The following FAM171A1 variants were observed in gnomAD, a reference collection of about 807,000 sequenced individuals.
The protein encoded by FAM171A1 is family with sequence similarity 171 member A1.
In FAM171A1, 23 loss-of-function variants were observed where a neutral mutation model predicts 74.9. The ratio of observed to expected loss-of-function variants is 0.31; its 90% CI spans 0.22 to 0.44. The LOEUF (loss-of-function observed/expected upper bound fraction) is 0.44, where lower values mean the gene tolerates loss of function less well. Among genes scored for constraint, FAM171A1 ranks in the 20% least tolerant of loss-of-function variants. The pLI, the probability that FAM171A1 is intolerant of heterozygous loss-of-function variation, is 1.00. For synonymous variants in FAM171A1, 527 were observed against 505.7 expected (o/e 1.04, Z -0.57); for missense variants, 1,162 against 1,159.2 (o/e 1.00, Z -0.03).
intron 1 of FAM171A1, among the ~76,000 whole-genome samples, chr10:15,366,959 G>A (rs1836070364): frequency 6.6e-6 from 1 of 152,182 alleles, no homozygotes; most frequent in African/African-American, 2.4e-5. Flanking sequence ...AGCACTTTGG[G>A]AGGCTGAGGC....
rs571615142 is a variant in FAM171A1 at position 15,235,257 on chromosome 10, G to A, written c.754+13382C>T. ...GCAGAGGTTGCAGTGGGCCGAGATT[G>A]CGCCACTGCACTCCAGCCTGGGAGA... On this transcript the variant is annotated intron_variant, in intron 5 of 7. Transcript: ENST00000378116. 3.8e-5 allele frequency among the ~76,000 whole-genome samples: 5 copies of A among 131,756 alleles called. No individual in the cohort carries two copies. In the South Asian group the frequency reaches 1.2e-3, roughly 33 times the overall value. The allele number at this position is 131,756 out of a possible 152,430, so 86.4% of individuals were successfully genotyped here.
intron 1 of FAM171A1, among the ~76,000 whole-genome samples, chr10:15,367,429 C>A (rs1473413265): frequency 2.0e-5 from 3 of 152,184 alleles, no homozygotes; most frequent in Admixed American, 2.0e-4. Flanking sequence ...TACTGTTGCT[C>A]CTGCATAAAG....
intron 1 of FAM171A1, among the ~76,000 whole-genome samples, chr10:15,308,574 C>T (rs539645689): frequency 6.6e-6 from 1 of 152,228 alleles, no homozygotes; most frequent in Non-Finnish European, 1.5e-5. Context: ...AACAATTCTC[C>T]TGCCTCAGCC....
At chr10:15,223,237 A>G (rs1029884746) in intron 5 of FAM171A1, among the ~76,000 whole-genome samples, 1 of 152,198 alleles carries the variant, frequency 6.6e-6, no homozygotes, top group African/African-American at 2.4e-5. Flanking sequence ...GCTTCCTCAA[A>G]GGTAGAGAAT....
rs934307376 is a variant in FAM171A1 at position 15,212,291 on chromosome 10, G to A, written c.*624C>T. 6.5e-6 allele frequency: 1 copy of A among 153,992 alleles called. No homozygotes were observed. The highest frequency in any genetic ancestry group is 1.4e-5 in the Non-Finnish European group (1 of 69,074). 9.5% of individuals were successfully genotyped at this position (153,992 alleles called of 1,614,324 possible). ...TCAGCGGTTCCTGAAGGGAGACGCTGAGATGGACCGCTGAGAAGCGGAACA... is the reference window on the plus strand; with the variant it reads ...TCAGCGGTTCCTGAAGGGAGACGCTAAGATGGACCGCTGAGAAGCGGAACA... On this transcript the variant is annotated 3_prime_UTR_variant, in exon 8 of 8. Transcript: ENST00000378116.
In FAM171A1 at chr10:15,248,678, T is replaced by C; in HGVS notation, c.715A>G (p.Asn239Asp). The change falls in exon 5 of 8, where the codon AAT becomes GAT. Residue 239 changes from asparagine (N) to aspartate (D), a missense_variant. Transcript: ENST00000378116. ...PLATQSSLRHNAYVAAWRFDQ... is the reference protein window; with the variant it reads ...PLATQSSLRHDAYVAAWRFDQ... ...AACCGCCACGCCGCGACATAGGCAT[T>C]GTGCCTCAGGCTGCTCTGCGTGGCC... 6.2e-7 allele frequency: 1 copy of C among 1,611,480 alleles called. No homozygotes were observed. Among genetic ancestry groups the C allele is most frequent in the Admixed American group, 1.7e-5 (1 of 59,660 alleles).
At chr10:15,293,110 T>C (rs962794192) in intron 1 of FAM171A1, among the ~76,000 whole-genome samples, 1 of 152,152 alleles carries the variant, frequency 6.6e-6, no homozygotes, top group Non-Finnish European at 1.5e-5. Context: ...ACAGTTATTT[T>C]GTGTTTCTGT....
intron 3 of FAM171A1, among the ~76,000 whole-genome samples, chr10:15,274,581 A>G (rs1484295888): frequency 6.6e-6 from 1 of 152,216 alleles, no homozygotes; most frequent in Non-Finnish European, 1.5e-5. Flanking sequence ...TTGCCAAGAC[A>G]ATCTTAAGCC....
chr10:15,369,483 C>A (rs1333123707), intron 1 of FAM171A1, among the ~76,000 whole-genome samples: 4 of 152,010 alleles, frequency 2.6e-5, no homozygotes, highest in African/African-American at 4.8e-5. Context: ...ACATATAGGT[C>A]TTTTTGTATT....
chr10:15,318,067 T>G (rs889792134), intron 1 of FAM171A1, among the ~76,000 whole-genome samples: 1 of 152,224 alleles, frequency 6.6e-6, no homozygotes, highest in African/African-American at 2.4e-5. Flanking sequence ...GTGCTAGGAT[T>G]ACAGGGGTGA....
intron 3 of FAM171A1, among the ~76,000 whole-genome samples, chr10:15,275,608 AACTG>A (rs1415123886): frequency 1.3e-5 from 2 of 152,142 alleles, no homozygotes; most frequent in African/African-American, 4.8e-5. Flanking sequence ...GGTGGCCCAA[AACTG>A]ACTGTTGTTT....
chr10:15,249,098 C>CTT (rs71390024), intron 4 of FAM171A1, among the ~76,000 whole-genome samples: 3,940 of 133,798 alleles, frequency 0.029, 104 homozygotes, highest in Middle Eastern at 0.048. Flanking sequence ...TTTCTTTTTT[C>CTT]TTTTTTTTTT....
chr10:15,257,531 C>A (rs567294308), intron 3 of FAM171A1, among the ~76,000 whole-genome samples: 1 of 152,160 alleles, frequency 6.6e-6, no homozygotes, highest in African/African-American at 2.4e-5. Context: ...ACATCTCTCT[C>A]CCCACTTGTG....
intron 1 of FAM171A1, among the ~76,000 whole-genome samples, chr10:15,347,925 T>A (rs10906892): frequency 0.44 from 66,486 of 150,994 alleles, 15,106 homozygotes; most frequent in East Asian, 0.79. Context: ...ATGCTTGACA[T>A]ACTAAATCCA....
At chr10:15,303,555 A>G (rs1835258295) in intron 1 of FAM171A1, among the ~76,000 whole-genome samples, 1 of 152,236 alleles carries the variant, frequency 6.6e-6, no homozygotes, top group African/African-American at 2.4e-5. Flanking sequence ...CGCCTGGAGA[A>G]ATAAGAGTTC....
At chr10:15,222,595 A>G (rs551903036) in intron 5 of FAM171A1, among the ~76,000 whole-genome samples, 1 of 152,174 alleles carries the variant, frequency 6.6e-6, no homozygotes, top group Non-Finnish European at 1.5e-5. Context: ...TTCTACCCAA[A>G]TGCTTGCCTT....
At chr10:15,223,783 C>T (rs1031503324) in intron 5 of FAM171A1, among the ~76,000 whole-genome samples, 2 of 152,148 alleles carry the variant, frequency 1.3e-5, no homozygotes, top group African/African-American at 4.8e-5. Flanking sequence ...TCTGTAATTC[C>T]AGCAACTGGG....
At chr10:15,263,054 GA>G (rs1254697479) in intron 3 of FAM171A1, among the ~76,000 whole-genome samples, 2 of 152,348 alleles carry the variant, frequency 1.3e-5, no homozygotes, top group Non-Finnish European at 2.9e-5. Context: ...CGGGGAACAG[GA>G]AAAGGACCAT....
chr10:15,337,413 G>A (rs1412205416), intron 1 of FAM171A1, among the ~76,000 whole-genome samples: 4 of 152,258 alleles, frequency 2.6e-5, no homozygotes, highest in Non-Finnish European at 5.9e-5. Flanking sequence ...ATCAAAGGCC[G>A]TTGGAAATAG....
Sources: gnomAD v4.1 joint callset for allele counts (sites outside exome capture counted in the v4.1 genomes callset) on GRCh38, gnomAD v4.1.1 for gene constraint, MANE v1.5 for transcripts, NCBI Gene and HGNC (gene_info 2026-07-23, HGNC 2026-07-21) for gene names.